VWA2: variants seen among roughly 807,000 people sequenced by gnomAD.
VWA2 encodes von Willebrand factor A domain containing 2.
VWA2 carries 73 observed loss-of-function variants against 70.4 expected under a neutral mutation model. The observed-to-expected ratio is 1.04, with a 90% confidence interval of 0.86 to 1.26. The LOEUF is 1.26. VWA2 is among the 50% of genes most tolerant of loss of function. VWA2 has a pLI of 0.00. For missense variants in VWA2, 1,011 were observed against 998.5 expected, an observed-to-expected ratio of 1.01 and a Z score of -0.17; for synonymous variants, 407 against 423.3, an observed-to-expected ratio of 0.96 and a Z score of 0.47.
At position 114,289,473 on chromosome 10, in the gene VWA2, T is replaced by G. The variant is rs1383710143; in HGVS notation, c.2106T>G (p.Ile702Met). The G allele has an allele frequency of 1.2e-6, 2 of 1,614,174 alleles. No individual in the cohort carries two copies. Among genetic ancestry groups the G allele is most frequent in the South Asian group, 1.1e-5 (1 of 91,084 alleles). ...ADLRYHQDVL[I>M]EWLCGEAKQP... ...TGCGGTACCACCAGGACGTGCTCAT[T>G]GAGTGGCTGTGTGGAGGTGAGTGGG... Residue 702 changes from isoleucine to methionine, a missense_variant, in exon 12 of 14, where the codon ATT becomes ATG. Ile to Met is a conservative substitution (Grantham distance 10). Transcript: ENST00000392982.
At chr10:114,286,615 G>GCA in intron 11 of VWA2, 104 bp downstream of exon 11, 1 of 1,007,810 alleles carries the variant, frequency 9.9e-7, no homozygotes, top group Non-Finnish European at 1.4e-6. Context: ...TCTTCTAGGG[G>GCA]CTGAAACCAC....
rs201081047 is a variant in VWA2, at chr10:114,248,729, T to C, written c.16T>C (p.Leu6=). 22 of 1,613,610 alleles carry C rather than the reference T, an allele frequency of 1.4e-5. No homozygotes were observed. The highest frequency in any genetic ancestry group is 1.5e-5 in the Non-Finnish European group (18 of 1,179,644). ...TTATATCAACATGCCCCCTTTCCTG[T>C]TGCTGGAAGCCGTCTGTGTTTTCCT... The part of the protein sequence containing the change: MPPFL[L]LEAVCVFLFS... The change falls in exon 2 of 14, where the codon TTG becomes CTG. Residue 6 remains leucine, a synonymous_variant. Coordinates refer to ENST00000392982, the MANE Select transcript of VWA2 (RefSeq NM_001272046.2).
At chr10:114,282,378 A>C (rs2038251910) in intron 8 of VWA2, 138 bp from the exon 9 acceptor site, 2 of 700,296 alleles carry the variant, frequency 2.9e-6, no homozygotes, top group Middle Eastern at 2.4e-4. Context: ...GGGTAGAATC[A>C]AGAAACAAAA....
Position 114,288,981 on chromosome 10 carries a change from C to T in VWA2, c.1614C>T (p.Thr538=). The change falls in exon 12 of 14, where the codon ACC becomes ACT. Residue 538 remains threonine, a synonymous_variant. Transcript: ENST00000392982. ...TGGACCTCGTCTTCATGTTGGACAC[C>T]TCTGCCTCAGTAGGGCCCGAGAATT... ...QALDLVFMLD[T]SASVGPENFA... is the part of the protein sequence containing the mutation. The T allele has an allele frequency of 6.2e-7, 1 of 1,613,926 alleles. No individual in the cohort carries two copies. The highest frequency in any genetic ancestry group is 8.5e-7 in the Non-Finnish European group (1 of 1,179,910).
intron 5 of VWA2, 108 bp from the exon 6 acceptor site, chr10:114,272,632 C>CT: frequency 2.0e-6 from 2 of 998,842 alleles, no homozygotes; most frequent in Non-Finnish European, 2.9e-6. Flanking sequence ...TAGGAGAAAG[C>CT]TACCTTTCGC....
intron 5 of VWA2, among the ~76,000 whole-genome samples, chr10:114,265,273 TA>T (rs202056397): frequency 8.2e-4 from 124 of 151,166 alleles, no homozygotes; most frequent in African/African-American, 2.7e-3. Context: ...TAAGGTAGTT[TA>T]AAAAAAAAAT....
intron 4 of VWA2, among the ~76,000 whole-genome samples, chr10:114,258,530 A>C (rs1419535936): frequency 1.3e-5 from 2 of 152,236 alleles, no homozygotes; most frequent in Non-Finnish European, 2.9e-5. Flanking sequence ...CCAATTAAAC[A>C]AAATGCTTTA....
At position 114,278,722 on chromosome 10, in the gene VWA2, G is replaced by T. The variant is rs930633142; in HGVS notation, c.704G>T (p.Cys235Phe). The T allele has an allele frequency of 6.2e-7, 1 of 1,614,018 alleles. No homozygotes were observed. Among genetic ancestry groups the T allele is most frequent in the Non-Finnish European group, 8.5e-7 (1 of 1,180,028 alleles). ...TGGGTGTGTGTTGTGGACACAGACT[G>T]CAGGGTCGAGGCTCACCCCTGTGAG... The part of the protein sequence containing the change: ...SAICSSATPD[C>F]RVEAHPCEHR... The change falls in exon 8 of 14, where the codon TGC (cysteine) becomes TTC (phenylalanine). Residue 235 changes from cysteine to phenylalanine, a missense_variant. Physicochemically the swap from Cys to Phe is radical, Grantham distance 205 (BLOSUM62 -2). Coordinates refer to ENST00000392982, the MANE Select transcript of VWA2 (RefSeq NM_001272046.2).
intron 4 of VWA2, among the ~76,000 whole-genome samples, chr10:114,256,504 G>C (rs2037330961): frequency 6.6e-6 from 1 of 152,168 alleles, no homozygotes; most frequent in Admixed American, 6.5e-5. Flanking sequence ...TTTCATTAAG[G>C]GGGAGGTTGG....
At chr10:114,275,475 G>A (rs2037816767) in intron 6 of VWA2, among the ~76,000 whole-genome samples, 1 of 152,248 alleles carries the variant, frequency 6.6e-6, no homozygotes, top group Non-Finnish European at 1.5e-5. Flanking sequence ...ATTTGTCCAT[G>A]AGGGTAGAAC....
intron 12 of VWA2, 122 bp from the exon 13 acceptor site, chr10:114,290,118 C>T (rs1564749309): frequency 7.4e-7 from 1 of 1,353,630 alleles, no homozygotes; most frequent in Non-Finnish European, 1.0e-6. Context: ...CCATGAGCTA[C>T]CGGGGCAAAG....
At chr10:114,268,118 A>G (rs1217594823) in intron 5 of VWA2, among the ~76,000 whole-genome samples, 10 of 152,240 alleles carry the variant, frequency 6.6e-5, no homozygotes, top group Non-Finnish European at 4.4e-5. Context: ...AGGTCAAGTA[A>G]CTTTTCCAAG....
chr10:114,261,097 G>T (rs2037435375), intron 4 of VWA2, 89 bp from the exon 5 acceptor site: 4 of 888,972 alleles, frequency 4.5e-6, no homozygotes, highest in Admixed American at 2.0e-5. Context: ...TGGGAGGCAG[G>T]GTTGTTAACT....
At chr10:114,241,854 C>G (rs1589732558) in intron 1 of VWA2, among the ~76,000 whole-genome samples, 1 of 152,016 alleles carries the variant, frequency 6.6e-6, no homozygotes, top group Admixed American at 6.6e-5. Context: ...TAGAATTGCT[C>G]ATTTTTAATT....
At chr10:114,273,518 C>T (rs377169940) in intron 6 of VWA2, among the ~76,000 whole-genome samples, 3 of 152,170 alleles carry the variant, frequency 2.0e-5, no homozygotes, top group East Asian at 1.9e-4. Flanking sequence ...CCCCCTTTAC[C>T]CCATTTGTCT....
At position 114,286,293 on chromosome 10, in the gene VWA2, T is replaced by G. The variant is rs777347310; in HGVS notation, c.1352T>G (p.Leu451Trp). 9.9e-6 allele frequency: 16 copies of G among 1,610,420 alleles called. No individual in the cohort carries two copies. The East Asian group carries it at 3.6e-4, about 36-fold the overall frequency. Residue 451 changes from leucine to tryptophan, a missense_variant, in exon 11 of 14, where the codon TTG (leucine) becomes TGG (tryptophan). Transcript: ENST00000392982. ...GQDRPRRVVV[L>W]LTESHSEDEV... ...GACCGGCCACGTAGAGTGGTGGTTT[T>G]GCTCACTGAGTCACACTCCGAGGAT...
chr10:114,266,626 G>A (rs775325309), intron 5 of VWA2, among the ~76,000 whole-genome samples: 25 of 152,150 alleles, frequency 1.6e-4, no homozygotes, highest in Non-Finnish European at 2.9e-4. Context: ...TGCACCCCAC[G>A]ATGACATAAA....
intron 8 of VWA2, chr10:114,281,765 A>T: frequency 1.0e-6 from 1 of 985,322 alleles, no homozygotes; most frequent in Non-Finnish European, 1.2e-6. Flanking sequence ...TTCTCTCCCC[A>T]TCGAAGCTTT....
At chr10:114,277,166 G>GTTTT (rs1564727758) in intron 6 of VWA2, among the ~76,000 whole-genome samples, 8 of 89,384 alleles carry the variant, frequency 9.0e-5, no homozygotes, top group Admixed American at 3.3e-4. Flanking sequence ...CTGACTGCAC[G>GTTTT]TCTTTTTTTT....
Sources: allele counts gnomAD v4.1 joint callset (sites outside exome capture counted in the v4.1 genomes callset), GRCh38; gene constraint gnomAD v4.1.1; transcripts MANE v1.5; gene names NCBI Gene and HGNC (gene_info 2026-07-23, HGNC 2026-07-21).